The following COL20A1 variants were observed in gnomAD, a reference collection of about 807,000 sequenced individuals.
COL20A1 encodes the protein collagen type XX alpha 1 chain.
In COL20A1, 164 loss-of-function variants were observed where a neutral mutation model predicts 152.9. That is an observed-to-expected ratio of 1.07 (90% CI 0.94 to 1.22). The LOEUF is 1.22. COL20A1 is among the 50% of genes most tolerant of loss of function. COL20A1 has a pLI of 0.00. For synonymous variants in COL20A1, 864 were observed against 756.0 expected, an observed-to-expected ratio of 1.14 and a Z score of -2.34; for missense variants, 1,873 against 1,744.8, an observed-to-expected ratio of 1.07 and a Z score of -1.31.
chr20:63,325,230 G>C lies in COL20A1; in HGVS notation c.3295-211G>C, dbSNP rs777967194. Reference sequence around the variant, plus strand: ...AGGGGCCACAGGAGGGGTGGCAAGCGTGACCTTGTCAGGCCCTACCCGCTG... The same window carrying C: ...AGGGGCCACAGGAGGGGTGGCAAGCCTGACCTTGTCAGGCCCTACCCGCTG... On this transcript the variant is annotated intron_variant, in intron 27 of 35. Coordinates refer to ENST00000358894, the MANE Select transcript of COL20A1 (RefSeq NM_020882.4). The C allele has an allele frequency of 2.6e-5, 18 of 694,540 alleles. No individual in the cohort carries two copies. The Admixed American group carries it at 3.0e-4, about 12-fold the overall frequency. 43.0% of individuals were successfully genotyped at this position (694,540 alleles called of 1,614,324 possible). A position where few individuals can be genotyped will look rare whatever the true frequency, so the allele number is the denominator to read the frequency against.
rs576175901 is a variant in COL20A1 at position 63,316,445 on chromosome 20, C to T, written c.2525-108C>T. ...CCGCTCCGTCACCCCTCCCTCCCAC[C>T]GCACTGCAGCCCCTGGGTCCCTCTT... On this transcript the variant is annotated intron_variant, in intron 20 of 35. Transcript: ENST00000358894. 1.6e-3 allele frequency: 1,294 copies of T among 789,542 alleles called. 11 individuals are homozygous for T. Among genetic ancestry groups the T allele is most frequent in the Non-Finnish European group, 2.2e-3 (1,160 of 522,632 alleles). 48.9% of individuals were successfully genotyped at this position (789,542 alleles called of 1,614,324 possible). A position where few individuals can be genotyped will look rare whatever the true frequency, so the allele number is the denominator to read the frequency against.
chr20:63,307,783 A>T (rs967819565), intron 6 of COL20A1, 135 bp downstream of exon 6: 2 of 1,208,622 alleles, frequency 1.7e-6, no homozygotes, highest in Non-Finnish European at 2.3e-6. Context: ...CCTGCTCCAC[A>T]TGGGGTGTTC....
At chr20:63,309,610 G>A in intron 9 of COL20A1, 113 bp downstream of exon 9, 1 of 1,249,372 alleles carries the variant, frequency 8.0e-7, no homozygotes, top group Non-Finnish European at 1.1e-6. Flanking sequence ...CTGTGGCTCT[G>A]AGGGGGTCTG....
At chr20:63,299,418 T>TGGTG (rs1169810277) in intron 3 of COL20A1, among the ~76,000 whole-genome samples, 2 of 152,250 alleles carry the variant, frequency 1.3e-5, no homozygotes, top group African/African-American at 4.8e-5. Flanking sequence ...GGAGCTACTC[T>TGGTG]GGTGGGTGTT....
chr20:63,316,551 A>AG lies in COL20A1; in HGVS notation c.2526dup, dbSNP rs1397250961. On this transcript the variant is annotated splice_acceptor_variant, in intron 20 of 35. Transcript: ENST00000358894. LOFTEE classifies it high-confidence loss of function. Reference sequence around the variant, plus strand: ...TGCCCCTTCCCCCACCATCTTCCCCAGGGTTTGACCTGATGGTGGCCTTCA... The same window carrying AG: ...TGCCCCTTCCCCCACCATCTTCCCCAGGGGTTTGACCTGATGGTGGCCTTCA... 1 of 1,584,370 alleles carries AG rather than the reference A, an allele frequency of 6.3e-7. No individual in the cohort carries two copies. The highest frequency in any genetic ancestry group is 1.2e-5 in the South Asian group (1 of 86,598).
chr20:63,312,767 C>A (rs1463847485), intron 15 of COL20A1, 25 bp from the exon 16 acceptor site: 17 of 1,527,794 alleles, frequency 1.1e-5, no homozygotes, highest in Non-Finnish European at 1.5e-5. Context: ...GCTACACCCC[C>A]AGCCTGTGTC....
At position 63,313,687 on chromosome 20, in the gene COL20A1, C is replaced by A; in HGVS notation, c.2210-56C>A. The A allele has an allele frequency of 6.7e-7, 1 of 1,485,326 alleles. No individual in the cohort carries two copies. The highest frequency in any genetic ancestry group is 2.4e-5 in the East Asian group (1 of 41,922). 92.0% of individuals were successfully genotyped at this position (1,485,326 alleles called of 1,614,324 possible). A position where few individuals can be genotyped will look rare whatever the true frequency, so the allele number is the denominator to read the frequency against. ...GCTGGGCAGCTGGTCCTCTGGCCAC[C>A]GGGTGCCTCCTTTCTGGAGGGGCCT... On this transcript the variant is annotated intron_variant, in intron 17 of 35. Coordinates refer to ENST00000358894, the MANE Select transcript of COL20A1 (RefSeq NM_020882.4). This position sits in a 1 kb window ranked among gnomAD's most constrained non-coding sequence, Gnocchi z 5.9.
In COL20A1 at chr20:63,316,706, G is replaced by T; in HGVS notation, c.2663+15G>T. 6.6e-7 allele frequency: 1 copy of T among 1,522,822 alleles called. No individual in the cohort carries two copies. Among genetic ancestry groups the T allele is most frequent in the Non-Finnish European group, 8.8e-7 (1 of 1,134,646 alleles). 94.3% of individuals were successfully genotyped at this position (1,522,822 alleles called of 1,614,324 possible). A position where few individuals can be genotyped will look rare whatever the true frequency, so the allele number is the denominator to read the frequency against. On this transcript the variant is annotated intron_variant, in intron 21 of 35. Transcript: ENST00000358894. ...AGACGGGTCAGGTGTGAGGGCAAGG[G>T]CTGGGGTGGAGCTGGAAGCCCAGGC... is the stretch of plus-strand genomic sequence containing the variant.
rs2068016119 is a variant in COL20A1 at position 63,312,050 on chromosome 20, G to A, written c.1798G>A (p.Gly600Arg). The change falls in exon 14 of 36, where the codon GGG becomes AGG. Residue 600 changes from glycine to arginine, a missense_variant. Gly to Arg is a moderately radical substitution (Grantham distance 125). Coordinates refer to ENST00000358894, the MANE Select transcript of COL20A1 (RefSeq NM_020882.4). ...TGTGTCCAGCGAGGGTGGACACTCG[G>A]GGCAGGTGAGAGCAGAGCCCTCCGG... ...TYVSSEGGHSGQTEAPGNATS... is the reference protein window; with the variant it reads ...TYVSSEGGHSRQTEAPGNATS... The A allele has an allele frequency of 6.3e-7, 1 of 1,577,252 alleles. No homozygotes were observed. Among genetic ancestry groups the A allele is most frequent in the South Asian group, 1.1e-5 (1 of 87,128 alleles).
intron 7 of COL20A1, 147 bp downstream of exon 7, chr20:63,308,237 C>T (rs918190080): frequency 6.1e-6 from 6 of 987,958 alleles, no homozygotes; most frequent in Non-Finnish European, 5.9e-6. Context: ...CAGAGTCACC[C>T]CCTTGTTTAC....
chr20:63,321,214 G>A (rs543347545), intron 26 of COL20A1, 115 bp downstream of exon 26: 9 of 656,760 alleles, frequency 1.4e-5, no homozygotes, highest in South Asian at 3.7e-5. Flanking sequence ...CCGTCCTGCC[G>A]CAGAGTTGGG....
chr20:63,315,368 G>A lies in COL20A1; in HGVS notation c.2489-36G>A, dbSNP rs529537534. 167 of 1,554,554 alleles carry A rather than the reference G, an allele frequency of 1.1e-4. No individual in the cohort carries two copies. The South Asian group carries it at 1.6e-3, about 15-fold the overall frequency. On this transcript the variant is annotated intron_variant, in intron 19 of 35. Coordinates refer to ENST00000358894, the MANE Select transcript of COL20A1 (RefSeq NM_020882.4). ...TCTGTCAGGCGTTGGAGGCTGGGCC[G>A]CTCCCACTCACACTGACCCTGTCTC... is the stretch of plus-strand genomic sequence containing the variant.
chr20:63,307,706 C>G (rs1033790989), intron 6 of COL20A1, 58 bp downstream of exon 6: 1 of 1,554,424 alleles, frequency 6.4e-7, no homozygotes, highest in Non-Finnish European at 8.8e-7. Flanking sequence ...CACAGCTCTG[C>G]CAGAGGAGGC....
Position 63,306,055 on chromosome 20 carries a change from G to A in COL20A1, c.496+16G>A. 6.3e-7 allele frequency: 1 copy of A among 1,582,272 alleles called. No homozygotes were observed. Among genetic ancestry groups the A allele is most frequent in the Non-Finnish European group, 8.6e-7 (1 of 1,166,586 alleles). ...CGCACTCCTGGTGGGTCAGAGTGGA[G>A]AGAGAGTAAGTCTCCGGGGAGGGAG... On this transcript the variant is annotated intron_variant, in intron 5 of 35. Coordinates refer to ENST00000358894, the MANE Select transcript of COL20A1 (RefSeq NM_020882.4). The surrounding 1 kb of genome is among the most constrained non-coding windows in gnomAD (Gnocchi z 6.9).
chr20:63,310,176 C>T (rs1420403105), intron 10 of COL20A1, among the ~76,000 whole-genome samples: 1 of 152,090 alleles, frequency 6.6e-6, no homozygotes. Flanking sequence ...CTCAGAGCGC[C>T]TTCTCCCTTT....
In COL20A1 at chr20:63,330,743, G is replaced by A. The variant is rs1015051810; in HGVS notation, c.*27G>A. ...AGGACATTTTCTGCACTGCCCCGAG[G>A]AACGCTGAGCCTTCCTCCCTGGGTT... On this transcript the variant is annotated 3_prime_UTR_variant, in exon 36 of 36. Transcript: ENST00000358894. 3 of 152,246 alleles carry A rather than the reference G, an allele frequency of 2.0e-5. No homozygotes were observed. Among genetic ancestry groups the A allele is most frequent in the African/African-American group, 7.2e-5 (3 of 41,442 alleles). The allele number at this position is 152,246 out of a possible 1,614,324, so 9.4% of individuals were successfully genotyped here. A position where few individuals can be genotyped will look rare whatever the true frequency, so the allele number is the denominator to read the frequency against.
At chr20:63,321,187 C>T (rs545515386) in intron 26 of COL20A1, 88 bp downstream of exon 26, 115 of 812,798 alleles carry the variant, frequency 1.4e-4, no homozygotes, top group Non-Finnish European at 2.2e-4. Flanking sequence ...CAGGCCCTCC[C>T]GCCCCGGTCC....
At position 63,311,501 on chromosome 20, in the gene COL20A1, TCTC is replaced by T. The variant is rs1292545445; in HGVS notation, c.1504_1506del (p.Pro502del). 5 of 1,585,214 alleles carry T rather than the reference TCTC, an allele frequency of 3.2e-6. No homozygotes were observed. The highest frequency in any genetic ancestry group is 2.3e-5 in the South Asian group (2 of 87,416). On this transcript the variant is annotated inframe_deletion, in exon 12 of 36. Coordinates refer to ENST00000358894, the MANE Select transcript of COL20A1 (RefSeq NM_020882.4). The surrounding 1 kb of genome is among the most constrained non-coding windows in gnomAD (Gnocchi z 4.4). ...GGCCACCCACTACCTGGTGCGATGT[TCTC>T]CTGCTTCCCCCAAGGGTGAAGAGGA... is the stretch of plus-strand genomic sequence containing the variant.
At chr20:63,309,556 T>A in intron 9 of COL20A1, 59 bp downstream of exon 9, 1 of 1,413,372 alleles carries the variant, frequency 7.1e-7, no homozygotes, top group East Asian at 2.7e-5. Flanking sequence ...GGGCAAAGGG[T>A]TGGGGGGACG....
Sources: gnomAD v4.1 joint callset for allele counts (sites outside exome capture counted in the v4.1 genomes callset) on GRCh38, gnomAD v4.1.1 for gene constraint, Gnocchi (gnomAD v3.1) non-coding constraint, MANE v1.5 for transcripts, NCBI Gene and HGNC (gene_info 2026-07-23, HGNC 2026-07-21) for gene names.